The following ORC5 variants were observed in gnomAD, a reference collection of about 807,000 sequenced individuals.
ORC5 encodes protein phosphatase 1, regulatory subunit 117.
ORC5 carries 39 observed loss-of-function variants against 58.8 expected under a neutral mutation model. The observed-to-expected ratio is 0.66, with a 90% CI of 0.51 to 0.87. The LOEUF is 0.87. Ranked by LOEUF, ORC5 falls within the 40% of genes least tolerant of loss-of-function variation. The pLI is 0.00. For synonymous variants in ORC5, 218 were observed against 177.6 expected (o/e 1.23, Z -1.81); for missense variants, 493 against 506.3 (o/e 0.97, Z 0.25).
chr7:104,148,225 C>T lies in ORC5; in HGVS notation c.1150-11332G>A, dbSNP rs1420397037. ...GAGGTGAGTAAATTGCTCAAGGTCA[C>T]GAAGTTAACAGTGGTTAAGAACAGC... On this transcript the variant is annotated intron_variant, in intron 12 of 13. Transcript: ENST00000297431. 3.9e-5 allele frequency among the ~76,000 whole-genome samples: 6 copies of T among 152,178 alleles called. No homozygotes were observed. The East Asian group carries it at 1.2e-3, about 29-fold the overall frequency.
intron 6 of ORC5, chr7:104,187,747 T>C: frequency 1.0e-6 from 1 of 968,720 alleles, no homozygotes; most frequent in Non-Finnish European, 1.2e-6. Flanking sequence ...AAGAACCATC[T>C]ATACAAAGAT....
rs1799263565 is a variant in ORC5, at chr7:104,173,846, T to TC, written c.825-5322_825-5321insG. Among the ~76,000 whole-genome samples, 2 of 82,786 alleles carry TC rather than the reference T, an allele frequency of 2.4e-5. 1 individual carries two copies. 54.3% of individuals were successfully genotyped at this position (82,786 alleles called of 152,430 possible). A position where few individuals can be genotyped will look rare whatever the true frequency, so the allele number is the denominator to read the frequency against. Reference sequence around the variant, plus strand: ...GCATACCTGGGTTTAAAATTTTTTCTTTTTTTTTTTTTTTTTGAGACGGAG... The same window carrying TC: ...GCATACCTGGGTTTAAAATTTTTTCTCTTTTTTTTTTTTTTTTGAGACGGAG... On this transcript the variant is annotated intron_variant, in intron 8 of 13. Coordinates refer to ENST00000297431, the MANE Select transcript of ORC5 (RefSeq NM_002553.4).
intron 12 of ORC5, among the ~76,000 whole-genome samples, chr7:104,151,231 A>C (rs10241191): frequency 0.053 from 8,074 of 152,172 alleles, 704 homozygotes; most frequent in African/African-American, 0.18. Flanking sequence ...CCAGAAAAGA[A>C]AGACCAAATT....
At chr7:104,193,842 G>A (rs1009628535) in intron 5 of ORC5, among the ~76,000 whole-genome samples, 2 of 151,418 alleles carry the variant, frequency 1.3e-5, no homozygotes, top group African/African-American at 4.8e-5. Context: ...AAATTAGTAA[G>A]ACCATTTTAT....
chr7:104,168,545 C>A lies in ORC5; in HGVS notation c.825-20G>T. 6 of 1,422,288 alleles carry A rather than the reference C, an allele frequency of 4.2e-6. No homozygotes were observed. The highest frequency in any genetic ancestry group is 4.8e-6 in the Non-Finnish European group (5 of 1,040,500). The allele number at this position is 1,422,288 out of a possible 1,614,324, so 88.1% of individuals were successfully genotyped here. A position where few individuals can be genotyped will look rare whatever the true frequency, so the allele number is the denominator to read the frequency against. ...TGGGAACTGAAAAAAAATAGAAGAGCAAAAATGAATTAAAAATAAATAAAA... is the reference window on the plus strand; with the variant it reads ...TGGGAACTGAAAAAAAATAGAAGAGAAAAAATGAATTAAAAATAAATAAAA... On this transcript the variant is annotated intron_variant, in intron 8 of 13. Transcript: ENST00000297431.
intron 1 of ORC5, among the ~76,000 whole-genome samples, chr7:104,206,205 A>G (rs1035170): frequency 0.98 from 148,904 of 152,302 alleles, 72,850 homozygotes; most frequent in East Asian, 1. Context: ...ATAAGCTAGT[A>G]CCTGACACAG....
chr7:104,196,106 T>C (rs904810245), intron 4 of ORC5, among the ~76,000 whole-genome samples: 2 of 152,226 alleles, frequency 1.3e-5, no homozygotes, highest in Non-Finnish European at 2.9e-5. Context: ...TCTAAATCTT[T>C]TAATTTTCTT....
Position 104,200,953 on chromosome 7 carries a change from T to TC in ORC5, c.170_171insG (p.His58ThrfsTer8). On this transcript the variant is annotated frameshift_variant, in exon 3 of 14. Coordinates refer to ENST00000297431, the MANE Select transcript of ORC5 (RefSeq NM_002553.4). LOFTEE classifies it high-confidence loss of function. ...ATTCAACACAATTCACAAACACATG[T>TC]GGGAGCTGAAAACGAAAACCAAAAC... 1 of 1,612,184 alleles carries TC rather than the reference T, an allele frequency of 6.2e-7. No individual in the cohort carries two copies. Among genetic ancestry groups the TC allele is most frequent in the South Asian group, 1.1e-5 (1 of 90,828 alleles).
At chr7:104,186,006 G>A (rs1409531380) in intron 6 of ORC5, among the ~76,000 whole-genome samples, 2 of 152,036 alleles carry the variant, frequency 1.3e-5, no homozygotes, top group East Asian at 1.9e-4. Flanking sequence ...TCTACTAAGT[G>A]TAGAGAAGAA....
At chr7:104,139,254 C>T (rs1798636134) in intron 12 of ORC5, among the ~76,000 whole-genome samples, 1 of 152,190 alleles carries the variant, frequency 6.6e-6, no homozygotes, top group South Asian at 2.1e-4. Flanking sequence ...AAAACACTAA[C>T]AGCAGTAGTA....
At chr7:104,152,395 C>G (rs898189424) in intron 12 of ORC5, among the ~76,000 whole-genome samples, 1 of 152,146 alleles carries the variant, frequency 6.6e-6, no homozygotes, top group Non-Finnish European at 1.5e-5. Flanking sequence ...CCTCCTACCC[C>G]AGTCTCTCAA....
chr7:104,154,910 T>C (rs115789333), intron 12 of ORC5, among the ~76,000 whole-genome samples: 3,376 of 151,908 alleles, frequency 0.022, 127 homozygotes, highest in African/African-American at 0.077. Flanking sequence ...AAGTACAGTA[T>C]AGCAAAAACA....
chr7:104,170,707 G>C (rs566318804), intron 8 of ORC5, among the ~76,000 whole-genome samples: 1 of 152,266 alleles, frequency 6.6e-6, no homozygotes, highest in South Asian at 2.1e-4. Context: ...TTTCAGAATT[G>C]ATCATTCTGG....
chr7:104,133,395 G>C lies in ORC5; in HGVS notation c.1262+3386C>G, dbSNP rs1584475565. Among the ~76,000 whole-genome samples, 1 of 152,076 alleles carries C rather than the reference G, an allele frequency of 6.6e-6. No homozygotes were observed. The highest frequency in any genetic ancestry group is 2.1e-4 in the South Asian group (1 of 4,822). On this transcript the variant is annotated intron_variant, in intron 13 of 13. Coordinates refer to ENST00000297431, the MANE Select transcript of ORC5 (RefSeq NM_002553.4). This position sits in a 1 kb window ranked among gnomAD's most constrained non-coding sequence, Gnocchi z 4.7. ...GGTTAAATATTAGGAGTGGGGGAGA[G>C]AGAGATGTCAAGAAGGACTCAAATT... is the stretch of plus-strand genomic sequence containing the variant.
rs202137004 is a variant in ORC5, at chr7:104,165,189, T to C, written c.1038+46A>G. 3.5e-5 allele frequency: 33 copies of C among 953,454 alleles called. No homozygotes were observed. The East Asian group carries it at 7.6e-4, about 22-fold the overall frequency. 59.1% of individuals were successfully genotyped at this position (953,454 alleles called of 1,614,324 possible). A position where few individuals can be genotyped will look rare whatever the true frequency, so the allele number is the denominator to read the frequency against. On this transcript the variant is annotated intron_variant, in intron 11 of 13. Transcript: ENST00000297431. ...ACAGATGTATCTATTTCCTATATTATCTTCATTTCCTAAGTTTCTTCCATT... is the reference window on the plus strand; with the variant it reads ...ACAGATGTATCTATTTCCTATATTACCTTCATTTCCTAAGTTTCTTCCATT...
chr7:104,205,193 G>A (rs892952777), intron 1 of ORC5, among the ~76,000 whole-genome samples: 2 of 149,048 alleles, frequency 1.3e-5, no homozygotes, highest in Admixed American at 1.4e-4. Flanking sequence ...GGGTTTAAGC[G>A]ATTCTCCTGC....
At chr7:104,154,715 T>A (rs890285254) in intron 12 of ORC5, among the ~76,000 whole-genome samples, 2 of 152,022 alleles carry the variant, frequency 1.3e-5, no homozygotes, top group Non-Finnish European at 2.9e-5. Flanking sequence ...AACACTGACT[T>A]TGAACTTGAA....
At chr7:104,200,643 G>A in intron 3 of ORC5, 115 bp downstream of exon 3, 1 of 660,510 alleles carries the variant, frequency 1.5e-6, no homozygotes, top group Middle Eastern at 4.2e-4. Flanking sequence ...TATACTAAAA[G>A]CACCTGGCAC....
At chr7:104,159,433 T>C (rs1798986804) in intron 12 of ORC5, among the ~76,000 whole-genome samples, 1 of 148,034 alleles carries the variant, frequency 6.8e-6, no homozygotes. Flanking sequence ...CATATGTAAC[T>C]AACCTGCACA....
Sources: gnomAD v4.1 joint callset for allele counts (sites outside exome capture counted in the v4.1 genomes callset) on GRCh38, gnomAD v4.1.1 for gene constraint, Gnocchi (gnomAD v3.1) non-coding constraint, MANE v1.5 for transcripts, NCBI Gene and HGNC (gene_info 2026-07-23, HGNC 2026-07-21) for gene names.